The following ERC2 variants were observed in gnomAD, a reference collection of about 807,000 sequenced individuals.
The protein encoded by ERC2 is ELKS/RAB6-interacting/CAST family member 2.
In ERC2, 42 loss-of-function variants were observed where a neutral mutation model predicts 114.8. The observed-to-expected ratio is 0.37, with a 90% CI of 0.29 to 0.47. The LOEUF is 0.47. Ranked by LOEUF, ERC2 falls within the 20% of genes least tolerant of loss-of-function variation. The probability of loss-of-function intolerance (pLI) is 0.99; values close to 1 mark genes in which losing one functional copy is unlikely to be tolerated. For missense variants in ERC2, 939 were observed against 1,150.7 expected (o/e 0.82, Z 2.66); for synonymous variants, 454 against 425.5 (o/e 1.07, Z -0.82).
At chr3:56,339,024 C>T (rs565618361) in intron 2 of ERC2, among the ~76,000 whole-genome samples, 2 of 152,272 alleles carry the variant, frequency 1.3e-5, no homozygotes, top group Non-Finnish European at 2.9e-5. Flanking sequence ...TCAATAGCCT[C>T]GAGTCCCCAG....
intron 14 of ERC2, among the ~76,000 whole-genome samples, chr3:55,860,008 C>A (rs188951395): frequency 6.6e-6 from 1 of 152,048 alleles, no homozygotes; most frequent in East Asian, 1.9e-4. Flanking sequence ...ATTTAAAGCA[C>A]GTATTATGTT....
rs1009834904 is a variant in ERC2, at chr3:56,149,027, T to G, written c.1255A>C (p.Ile419Leu). The change falls in exon 5 of 18, where the codon ATC becomes CTC. Residue 419 changes from isoleucine to leucine, a missense_variant. Transcript: ENST00000288221. ...VLNTEDREEEIKQIEVYKSHS... is the reference protein window; with the variant it reads ...VLNTEDREEELKQIEVYKSHS... ...CTTTTGTAAACCTCAATTTGTTTGA[T>G]CTCTTCTTCGCGGTCCTCAGTGTTC... 2 of 1,613,396 alleles carry G rather than the reference T, an allele frequency of 1.2e-6. No homozygotes were observed. The highest frequency in any genetic ancestry group is 2.7e-5 in the African/African-American group (2 of 74,918).
chr3:55,829,981 G>GAAAC (rs531038602), intron 14 of ERC2, among the ~76,000 whole-genome samples: 1 of 151,984 alleles, frequency 6.6e-6, no homozygotes. Context: ...TCAAACAGGA[G>GAAAC]AAACAAACAA....
At chr3:56,134,365 C>T (rs1007040947) in intron 6 of ERC2, among the ~76,000 whole-genome samples, 4 of 152,078 alleles carry the variant, frequency 2.6e-5, no homozygotes, top group East Asian at 3.9e-4. Flanking sequence ...TCTAAAAGAA[C>T]GTTTGCTCAA....
At chr3:56,284,406 C>G (rs1481721648) in intron 3 of ERC2, among the ~76,000 whole-genome samples, 1 of 152,144 alleles carries the variant, frequency 6.6e-6, no homozygotes, top group Non-Finnish European at 1.5e-5. Context: ...AATAAAAATA[C>G]TTAATAGTAC....
intron 2 of ERC2, among the ~76,000 whole-genome samples, chr3:56,387,975 A>G (rs1040250053): frequency 6.6e-6 from 1 of 152,200 alleles, no homozygotes; most frequent in Non-Finnish European, 1.5e-5. Flanking sequence ...ATTCTCAAAG[A>G]TAATTCCTGT....
intron 14 of ERC2, among the ~76,000 whole-genome samples, chr3:55,797,193 T>C (rs2070586728): frequency 6.6e-6 from 1 of 152,186 alleles, no homozygotes; most frequent in South Asian, 2.1e-4. Context: ...TTTATTGCAT[T>C]GCTGGGCTCA....
chr3:55,880,045 C>T (rs1255781024), intron 14 of ERC2, among the ~76,000 whole-genome samples: 2 of 152,196 alleles, frequency 1.3e-5, no homozygotes, highest in African/African-American at 4.8e-5. Context: ...ATTGAATAAA[C>T]TGTGAAATGA....
intron 17 of ERC2, among the ~76,000 whole-genome samples, chr3:55,551,551 A>C (rs2107422309): frequency 6.6e-6 from 1 of 152,274 alleles, no homozygotes; most frequent in East Asian, 1.9e-4. Flanking sequence ...AAACAAAAAC[A>C]AAAACAAAAA....
intron 17 of ERC2, among the ~76,000 whole-genome samples, chr3:55,644,963 C>T (rs1456693291): frequency 6.6e-6 from 1 of 151,990 alleles, no homozygotes; most frequent in African/African-American, 2.4e-5. Context: ...CATAATTCAG[C>T]ATATCTATGC....
intron 17 of ERC2, among the ~76,000 whole-genome samples, chr3:55,538,450 G>C (rs17263206): frequency 6.6e-6 from 1 of 152,216 alleles, no homozygotes; most frequent in African/African-American, 2.4e-5. Context: ...ATGCCGAGAA[G>C]GTGCTGAGTC....
At chr3:55,769,245 G>C (rs371437895) in intron 14 of ERC2, among the ~76,000 whole-genome samples, 9 of 152,060 alleles carry the variant, frequency 5.9e-5, no homozygotes, top group Admixed American at 2.0e-4. Flanking sequence ...AGACCTAAGT[G>C]GTTATCATCA....
At chr3:56,349,352 C>A (rs1483338338) in intron 2 of ERC2, among the ~76,000 whole-genome samples, 1 of 152,176 alleles carries the variant, frequency 6.6e-6, no homozygotes, top group Non-Finnish European at 1.5e-5. Context: ...AATAAGGGCA[C>A]ACACCCACTT....
At chr3:56,154,547 T>A (rs752948476) in intron 4 of ERC2, among the ~76,000 whole-genome samples, 3 of 152,172 alleles carry the variant, frequency 2.0e-5, no homozygotes, top group Non-Finnish European at 2.9e-5. Context: ...CATGAGCAGA[T>A]GTGTCTCTAG....
At chr3:55,918,718 A>C (rs1454917748) in intron 13 of ERC2, among the ~76,000 whole-genome samples, 1 of 151,566 alleles carries the variant, frequency 6.6e-6, no homozygotes, top group African/African-American at 2.4e-5. Flanking sequence ...AGCCATATGG[A>C]GATCTGAAGT....
At chr3:56,437,266 G>A (rs542176660) in intron 1 of ERC2, among the ~76,000 whole-genome samples, 34 of 152,288 alleles carry the variant, frequency 2.2e-4, no homozygotes, top group Middle Eastern at 3.4e-3. Flanking sequence ...CAGGCAAGCC[G>A]CCCCAAGATG....
intron 15 of ERC2, among the ~76,000 whole-genome samples, chr3:55,720,594 C>T (rs1427872821): frequency 1.3e-5 from 2 of 151,968 alleles, no homozygotes; most frequent in Non-Finnish European, 2.9e-5. Context: ...TAACAGGGTT[C>T]TTTGAAGACA....
At chr3:55,641,887 A>G (rs1475333136) in intron 17 of ERC2, among the ~76,000 whole-genome samples, 2 of 152,210 alleles carry the variant, frequency 1.3e-5, no homozygotes, top group Admixed American at 6.5e-5. Context: ...TGATCCAAGT[A>G]GTCTTAAATG....
chr3:56,261,500 C>A (rs190214336), intron 3 of ERC2, among the ~76,000 whole-genome samples: 151 of 152,224 alleles, frequency 9.9e-4, no homozygotes, highest in Non-Finnish European at 8.8e-5. Flanking sequence ...TACACCCCAG[C>A]CATTAAATAA....
Sources: gnomAD v4.1 joint callset for allele counts (sites outside exome capture counted in the v4.1 genomes callset) on GRCh38, gnomAD v4.1.1 for gene constraint, MANE v1.5 for transcripts, NCBI Gene and HGNC (gene_info 2026-07-23, HGNC 2026-07-21) for gene names.